ANK1: variants seen among roughly 807,000 people sequenced by gnomAD.
ANK1 encodes ankyrin-1.
A neutral mutation model predicts 210.4 loss-of-function variants in ANK1; 51 were observed. The ratio of observed to expected loss-of-function variants is 0.24; its 90% CI spans 0.19 to 0.31. The LOEUF is 0.31. Among genes scored for constraint, ANK1 ranks in the 10% least tolerant of loss-of-function variants. ANK1 has a pLI of 1.00. For synonymous variants in ANK1, 967 were observed against 1,025.9 expected, an observed-to-expected ratio of 0.94 and a Z score of 1.10; for missense variants, 2,051 against 2,504.4, an observed-to-expected ratio of 0.82 and a Z score of 3.86.
At chr8:41,688,016 A>G in intron 35 of ANK1, 140 bp downstream of exon 35, 1 of 1,068,050 alleles carries the variant, frequency 9.4e-7, no homozygotes, top group South Asian at 1.3e-5. Flanking sequence ...TGGGCAGCAG[A>G]CCCAGCTCAG....
At chr8:41,848,562 G>A (rs949931517) in intron 1 of ANK1, among the ~76,000 whole-genome samples, 2 of 152,150 alleles carry the variant, frequency 1.3e-5, no homozygotes, top group Admixed American at 6.5e-5. Flanking sequence ...GGGTGCTGTC[G>A]TCTGTGCCCT....
chr8:41,720,346 T>A (rs1828936293), intron 9 of ANK1, among the ~76,000 whole-genome samples: 1 of 152,194 alleles, frequency 6.6e-6, no homozygotes, highest in South Asian at 2.1e-4. Flanking sequence ...AATGAATGAA[T>A]GAATGAATGA....
At chr8:41,769,703 C>T (rs1361162748) in intron 1 of ANK1, among the ~76,000 whole-genome samples, 1 of 152,130 alleles carries the variant, frequency 6.6e-6, no homozygotes, top group Non-Finnish European at 1.5e-5. Context: ...ATCCCTGAAA[C>T]CATGGCCACA....
intron 1 of ANK1, among the ~76,000 whole-genome samples, chr8:41,795,239 G>A (rs994394981): frequency 2.6e-5 from 4 of 152,166 alleles, no homozygotes; most frequent in African/African-American, 7.2e-5. Flanking sequence ...TAGGCCAGGC[G>A]CAGCGGCTCA....
intron 8 of ANK1, 34 bp downstream of exon 8, chr8:41,723,501 C>T: frequency 6.2e-7 from 1 of 1,610,190 alleles, no homozygotes; most frequent in South Asian, 1.1e-5. Context: ...GACCTCCCTC[C>T]CCCTGCCTGG....
At chr8:41,723,355 A>G in intron 8 of ANK1, 132 bp from the exon 9 acceptor site, 2 of 1,184,804 alleles carry the variant, frequency 1.7e-6, no homozygotes, top group Non-Finnish European at 2.5e-6. Flanking sequence ...GCTCGACCTC[A>G]GCACAGTTTT....
At chr8:41,752,598 C>T (rs1308418238) in intron 2 of ANK1, among the ~76,000 whole-genome samples, 1 of 152,180 alleles carries the variant, frequency 6.6e-6, no homozygotes, top group Non-Finnish European at 1.5e-5. Context: ...GGTCTGCTCC[C>T]AGCATCCCTC....
In ANK1 at chr8:41,797,114, C is replaced by T. The variant is rs924699788; in HGVS notation, c.27+398G>A. 6.6e-6 allele frequency among the ~76,000 whole-genome samples: 1 copy of T among 152,166 alleles called. No homozygotes were observed. The highest frequency in any genetic ancestry group is 1.5e-5 in the Non-Finnish European group (1 of 68,030). On this transcript the variant is annotated intron_variant, in intron 1 of 42. Coordinates refer to ENST00000289734, the MANE Select transcript of ANK1 (RefSeq NM_000037.4). This position sits in a 1 kb window ranked among gnomAD's most constrained non-coding sequence, Gnocchi z 4.0. The stretch of plus-strand genomic sequence containing the variant: ...AGCCCCCTAGCCGGGTGGCCCACCC[C>T]GCAGCCTGTAATAACACACCTACAA...
chr8:41,695,725 A>G (rs1820715369), intron 26 of ANK1, among the ~76,000 whole-genome samples: 1 of 152,270 alleles, frequency 6.6e-6, no homozygotes, highest in Non-Finnish European at 1.5e-5. Context: ...AGAAACGTCA[A>G]CGAGAAAACT....
intron 1 of ANK1, among the ~76,000 whole-genome samples, chr8:41,883,688 G>C (rs948788952): frequency 6.6e-6 from 1 of 152,106 alleles, no homozygotes; most frequent in Non-Finnish European, 1.5e-5. Context: ...TTGAACTCCT[G>C]GGCTGAAGGG....
intron 17 of ANK1, among the ~76,000 whole-genome samples, chr8:41,708,409 G>A (rs544607688): frequency 1.3e-5 from 2 of 152,256 alleles, no homozygotes; most frequent in African/African-American, 2.4e-5. Context: ...TTTCCCCCAC[G>A]GAACATAGAA....
chr8:41,757,688 C>G (rs1839481990), intron 2 of ANK1, among the ~76,000 whole-genome samples: 1 of 152,218 alleles, frequency 6.6e-6, no homozygotes. Flanking sequence ...GGAGACTGAA[C>G]ATCCCCACTG....
intron 12 of ANK1, 100 bp downstream of exon 12, chr8:41,717,504 G>GT: frequency 8.8e-7 from 1 of 1,138,582 alleles, no homozygotes; most frequent in Non-Finnish European, 1.3e-6. Context: ...TCTGGGAATC[G>GT]TAGCTCTGTC....
In ANK1 at chr8:41,704,959, A is replaced by G. The variant is rs1216136580; in HGVS notation, c.2098-487T>C. ...GGGATGTGGAGTCATGGTCACTCCAATGACAACAGGTTTTTTCCATTAGAA... is the reference window on the plus strand; with the variant it reads ...GGGATGTGGAGTCATGGTCACTCCAGTGACAACAGGTTTTTTCCATTAGAA... On this transcript the variant is annotated intron_variant, in intron 18 of 42. Transcript: ENST00000289734. This position sits in a 1 kb window ranked among gnomAD's most constrained non-coding sequence, Gnocchi z 4.1. Among the ~76,000 whole-genome samples the G allele has an allele frequency of 3.3e-5, 5 of 152,184 alleles. No homozygotes were observed. The highest frequency in any genetic ancestry group is 7.3e-5 in the Non-Finnish European group (5 of 68,034).
At chr8:41,687,161 T>C (rs1224826993) in intron 35 of ANK1, among the ~76,000 whole-genome samples, 1 of 151,714 alleles carries the variant, frequency 6.6e-6, no homozygotes, top group Non-Finnish European at 1.5e-5. Context: ...ATGAAGGGAG[T>C]CCACTCATAT....
At chr8:41,663,965 C>T (rs1809461629) in intron 39 of ANK1, 1 of 643,298 alleles carries the variant, frequency 1.6e-6, no homozygotes, top group African/African-American at 1.8e-5. Context: ...CGGTCGAGCT[C>T]ACAATTGTGC....
At chr8:41,684,759 T>C in intron 36 of ANK1, 69 bp from the exon 37 acceptor site, 3 of 1,555,940 alleles carry the variant, frequency 1.9e-6, no homozygotes, top group Non-Finnish European at 2.6e-6. Flanking sequence ...GCTCAGAAAA[T>C]GGGGCCAGGA....
intron 1 of ANK1, among the ~76,000 whole-genome samples, chr8:41,806,544 G>C (rs1341355054): frequency 6.6e-6 from 1 of 152,144 alleles, no homozygotes; most frequent in Non-Finnish European, 1.5e-5. Flanking sequence ...GCGAAACCCT[G>C]TCTCTACTAA....
At chr8:41,825,138 C>T (rs1219430518) in intron 1 of ANK1, among the ~76,000 whole-genome samples, 1 of 152,234 alleles carries the variant, frequency 6.6e-6, no homozygotes, top group Non-Finnish European at 1.5e-5. Context: ...ACTTCGGCCG[C>T]ATTCTGCTCA....
Sources: gnomAD v4.1 joint callset for allele counts (sites outside exome capture counted in the v4.1 genomes callset) on GRCh38, gnomAD v4.1.1 for gene constraint, Gnocchi (gnomAD v3.1) non-coding constraint, MANE v1.5 for transcripts, NCBI Gene and HGNC (gene_info 2026-07-23, HGNC 2026-07-21) for gene names.